Variants in SASH1 observed in about 807,000 individuals in gnomAD.
The protein encoded by SASH1 is SAM and SH3 domain-containing protein 1.
A neutral mutation model predicts 125.2 loss-of-function variants in SASH1; 44 were observed. The ratio of observed to expected loss-of-function variants is 0.35; its 90% CI spans 0.28 to 0.45. The LOEUF (loss-of-function observed/expected upper bound fraction) is 0.45. SASH1 is among the 20% of genes least tolerant of loss of function. SASH1 has a pLI of 1.00. For missense variants in SASH1, 1,426 were observed against 1,614.5 expected, an observed-to-expected ratio of 0.88 and a Z score of 2.00; for synonymous variants, 639 against 649.1, an observed-to-expected ratio of 0.98 and a Z score of 0.24.
At chr6:148,344,595 T>C (rs1299966773) in intron 1 of SASH1, among the ~76,000 whole-genome samples, 1 of 152,150 alleles carries the variant, frequency 6.6e-6, no homozygotes, top group Non-Finnish European at 1.5e-5. Context: ...TTACATACTA[T>C]ATATAGCACA....
chr6:148,440,571 G>C (rs773728291), intron 4 of SASH1, 164 bp downstream of exon 4: 2 of 628,490 alleles, frequency 3.2e-6, no homozygotes, highest in Admixed American at 2.9e-5. Flanking sequence ...AGGTGGCTAA[G>C]AGTGTGTTTT....
At chr6:148,467,794 A>G (rs1280544879) in intron 4 of SASH1, among the ~76,000 whole-genome samples, 2 of 152,134 alleles carry the variant, frequency 1.3e-5, no homozygotes, top group Non-Finnish European at 2.9e-5. Flanking sequence ...AAAATTAGCC[A>G]GGCGTGATGG....
rs1434671769 is a variant in SASH1 at position 148,543,720 on chromosome 6, C to T, written c.2250C>T (p.Ser750=). Residue 750 remains serine, a synonymous_variant, in exon 18 of 20, where the codon TCC becomes TCT. Coordinates refer to ENST00000367467, the MANE Select transcript of SASH1 (RefSeq NM_015278.5). ...CTAGCCTCCTATCTGCCAAGTCATC[C>T]ACCGAGCCCAGCTTGAAGTCTTTTA... ...RKASLLSAKS[S]TEPSLKSFSR... 1.3e-6 allele frequency: 2 copies of T among 1,570,144 alleles called. No individual in the cohort carries two copies. Among genetic ancestry groups the T allele is most frequent in the Non-Finnish European group, 1.7e-6 (2 of 1,155,852 alleles).
intron 1 of SASH1, among the ~76,000 whole-genome samples, chr6:148,352,580 G>C (rs1050286600): frequency 4.8e-4 from 72 of 150,118 alleles, no homozygotes; most frequent in African/African-American, 1.7e-3. Context: ...CTGGGAGACA[G>C]AGTGAGACTC....
At chr6:148,390,505 G>A (rs541552029) in intron 2 of SASH1, among the ~76,000 whole-genome samples, 1 of 152,354 alleles carries the variant, frequency 6.6e-6, no homozygotes, top group South Asian at 2.1e-4. Flanking sequence ...GAACAGATTT[G>A]GCCGGGCGCT....
At chr6:148,494,742 T>C (rs1384962271) in intron 8 of SASH1, among the ~76,000 whole-genome samples, 10 of 152,208 alleles carry the variant, frequency 6.6e-5, no homozygotes, top group Admixed American at 6.5e-4. Context: ...CATTCAACCA[T>C]ATGTACATTT....
At chr6:148,317,026 T>G (rs958673816) in intron 1 of SASH1, among the ~76,000 whole-genome samples, 1 of 152,188 alleles carries the variant, frequency 6.6e-6, no homozygotes, top group Non-Finnish European at 1.5e-5. Flanking sequence ...CACTCCATTC[T>G]GAGTTAGCTG....
chr6:148,334,973 CAAAAA>C (rs71004288), intron 1 of SASH1, among the ~76,000 whole-genome samples: 1 of 115,302 alleles, frequency 8.7e-6, no homozygotes, highest in Non-Finnish European at 1.8e-5. Flanking sequence ...GACTCCATCT[CAAAAA>C]AAAAAAAAAA....
At chr6:148,205,039 A>G in the SASH1 span, among the ~76,000 whole-genome samples, 1 of 152,084 alleles carries the variant, frequency 6.6e-6, no homozygotes, top group African/African-American at 2.4e-5. Flanking sequence ...TTCTCCTCAC[A>G]ATGGGTATCG....
chr6:148,314,891 G>T (rs1780441311), intron 1 of SASH1, among the ~76,000 whole-genome samples: 1 of 151,782 alleles, frequency 6.6e-6, no homozygotes, highest in Non-Finnish European at 1.5e-5. Flanking sequence ...CGAATAGCTG[G>T]GATTACAGGC....
intron 12 of SASH1, among the ~76,000 whole-genome samples, chr6:148,528,461 G>T (rs1181044448): frequency 1.3e-5 from 2 of 152,200 alleles, no homozygotes; most frequent in African/African-American, 4.8e-5. Context: ...CTGCTCTCTG[G>T]TGGGCACAGT....
rs144405520 is a variant in SASH1, at chr6:148,388,247, G to C, written c.157-1887G>C. ...TGTTTTCAGGCAGTTTCCTTTCCTG[G>C]AGGCAGCACAGCAGAGGCCAGGAGG... On this transcript the variant is annotated intron_variant, in intron 1 of 19. Transcript: ENST00000367467. 3.3e-5 allele frequency among the ~76,000 whole-genome samples: 5 copies of C among 152,028 alleles called. No homozygotes were observed. The East Asian group carries it at 9.7e-4, about 29-fold the overall frequency.
intron 1 of SASH1, among the ~76,000 whole-genome samples, chr6:148,356,230 A>T (rs1019343853): frequency 6.6e-6 from 1 of 151,984 alleles, no homozygotes; most frequent in Non-Finnish European, 1.5e-5. Context: ...GATTACAGGC[A>T]CACACCACCA....
In SASH1 at chr6:148,532,380, C is replaced by T. The variant is rs1583313762; in HGVS notation, c.1565-417C>T. Among the ~76,000 whole-genome samples, 3 of 152,190 alleles carry T rather than the reference C, an allele frequency of 2.0e-5. No individual in the cohort carries two copies. In the East Asian group the frequency reaches 5.8e-4, roughly 29 times the overall value. On this transcript the variant is annotated intron_variant, in intron 13 of 19. Coordinates refer to ENST00000367467, the MANE Select transcript of SASH1 (RefSeq NM_015278.5). This position sits in a 1 kb window ranked among gnomAD's most constrained non-coding sequence, Gnocchi z 4.7. The stretch of plus-strand genomic sequence containing the variant: ...ACCGTGCCCCGAGATCAAGTTTAAA[C>T]CTACCACTTTAAGCTCTTTCTTACC...
At chr6:148,536,052 C>T (rs1188881014) in intron 16 of SASH1, among the ~76,000 whole-genome samples, 1 of 152,026 alleles carries the variant, frequency 6.6e-6, no homozygotes, top group Non-Finnish European at 1.5e-5. Flanking sequence ...AAACAGGCTG[C>T]CTTTAGGGAT....
At chr6:148,430,230 G>T (rs544180257) in intron 2 of SASH1, among the ~76,000 whole-genome samples, 1 of 152,330 alleles carries the variant, frequency 6.6e-6, no homozygotes, top group Admixed American at 6.5e-5. Flanking sequence ...CATGGTAACT[G>T]TTCACTAAGA....
chr6:148,320,356 C>T (rs976069067), intron 1 of SASH1, among the ~76,000 whole-genome samples: 1 of 152,234 alleles, frequency 6.6e-6, no homozygotes, highest in Non-Finnish European at 1.5e-5. Context: ...GGCCACCCCC[C>T]TTGATAGCGG....
intron 17 of SASH1, among the ~76,000 whole-genome samples, chr6:148,543,085 C>T (rs1039973891): frequency 2.0e-5 from 3 of 152,126 alleles, no homozygotes; most frequent in Non-Finnish European, 4.4e-5. Flanking sequence ...GGACCTAAAA[C>T]TTTATCAGTA....
rs1782816014 is a variant in SASH1, at chr6:148,550,304, A to G, written c.*1746A>G. 1 of 152,258 alleles carries G rather than the reference A, an allele frequency of 6.6e-6. No homozygotes were observed. Among genetic ancestry groups the G allele is most frequent in the African/African-American group, 2.4e-5 (1 of 41,464 alleles). The allele number at this position is 152,258 out of a possible 1,614,324, so 9.4% of individuals were successfully genotyped here. Reference sequence around the variant, plus strand: ...TTTATAATAGAAACACCTTGACCACAAGCCCTTGATTGAACATTTTATAAT... The same window carrying G: ...TTTATAATAGAAACACCTTGACCACGAGCCCTTGATTGAACATTTTATAAT... On this transcript the variant is annotated 3_prime_UTR_variant, in exon 20 of 20. Coordinates refer to ENST00000367467, the MANE Select transcript of SASH1 (RefSeq NM_015278.5).
Sources: allele counts gnomAD v4.1 joint callset (sites outside exome capture counted in the v4.1 genomes callset), GRCh38; gene constraint gnomAD v4.1.1; non-coding constraint Gnocchi (gnomAD v3.1); transcripts MANE v1.5; gene names NCBI Gene and HGNC (gene_info 2026-07-23, HGNC 2026-07-21).